Variants in MYRFL observed in about 807,000 individuals in gnomAD.
MYRFL encodes myelin regulatory factor like, also known as myelin regulatory factor-like protein.
MYRFL carries 88 observed loss-of-function variants against 109.4 expected under a neutral mutation model. The observed-to-expected ratio is 0.80, with a 90% CI of 0.68 to 0.96. The LOEUF (loss-of-function observed/expected upper bound fraction) is 0.96. Ranked by LOEUF, MYRFL falls within the 40% of genes least tolerant of loss-of-function variation. MYRFL has a pLI of 0.00. For missense variants in MYRFL, 957 were observed against 954.9 expected (o/e 1.00, Z -0.03); for synonymous variants, 324 against 320.9 (o/e 1.01, Z -0.10).
intron 19 of MYRFL, among the ~76,000 whole-genome samples, chr12:69,944,118 C>A (rs2120518053): frequency 6.6e-6 from 1 of 150,846 alleles, no homozygotes; most frequent in African/African-American, 2.5e-5. Context: ...TTGTGGAAGT[C>A]AGTGAGGCGA....
chr12:69,835,297 A>C (rs1882867907), intron 1 of MYRFL, among the ~76,000 whole-genome samples: 1 of 152,214 alleles, frequency 6.6e-6, no homozygotes, highest in African/African-American at 2.4e-5. Context: ...ATCTGAACTA[A>C]ATTCTCTACC....
rs1383945962 is a variant in MYRFL at position 69,911,108 on chromosome 12, T to G, written c.1602+178T>G. The stretch of plus-strand genomic sequence containing the variant: ...TTATAATTGATATTCAAATTGATCA[T>G]AAGCACCAAAAAGAAGTTCCATATG... On this transcript the variant is annotated intron_variant, in intron 13 of 24. Coordinates refer to ENST00000552032, the MANE Select transcript of MYRFL (RefSeq NM_182530.3). Among the ~76,000 whole-genome samples the G allele has an allele frequency of 1.7e-4, 26 of 152,326 alleles. 3 individuals carry two copies. The South Asian group carries it at 4.8e-3, about 28-fold the overall frequency.
In MYRFL at chr12:69,945,006, T is replaced by C. The variant is rs553696899; in HGVS notation, c.2225-7107T>C. ...ATTTTTTTAACGAAAATAAAATAGA[T>C]ATTTAAAATGTGAAAAAAAATTAAA... is the stretch of plus-strand genomic sequence containing the variant. On this transcript the variant is annotated intron_variant, in intron 19 of 24. Coordinates refer to ENST00000552032, the MANE Select transcript of MYRFL (RefSeq NM_182530.3). Among the ~76,000 whole-genome samples, 12 of 152,146 alleles carry C rather than the reference T, an allele frequency of 7.9e-5. No homozygotes were observed. In the South Asian group the frequency reaches 2.3e-3, roughly 29 times the overall value.
Position 69,870,099 on chromosome 12 carries a change from C to CTTTTTTTTTT in MYRFL, c.138-8911_138-8902dup, listed in dbSNP as rs754843682. Among the ~76,000 whole-genome samples, 4 of 81,328 alleles carry CTTTTTTTTTT rather than the reference C, an allele frequency of 4.9e-5. 1 individual carries two copies. Among genetic ancestry groups the CTTTTTTTTTT allele is most frequent in the Middle Eastern group, 8.5e-3 (1 of 118 alleles). The allele number at this position is 81,328 out of a possible 152,430, so 53.4% of individuals were successfully genotyped here. On this transcript the variant is annotated intron_variant, in intron 2 of 24. Coordinates refer to ENST00000552032, the MANE Select transcript of MYRFL (RefSeq NM_182530.3). ...GCTAAGAATCTCTTGATTTTTCTTC[C>CTTTTTTTTTT]TTTTTTTTTTTTTTTTTTTTTTTTT...
At chr12:69,853,053 G>T (rs570782099) in intron 1 of MYRFL, among the ~76,000 whole-genome samples, 1 of 152,122 alleles carries the variant, frequency 6.6e-6, no homozygotes, top group Non-Finnish European at 1.5e-5. Flanking sequence ...TTTTCTGTTC[G>T]ACAAAACCAC....
At chr12:69,841,488 A>G (rs939681838) in intron 1 of MYRFL, among the ~76,000 whole-genome samples, 2 of 152,198 alleles carry the variant, frequency 1.3e-5, no homozygotes, top group Non-Finnish European at 2.9e-5. Context: ...TGCTCTCACT[A>G]TGGCTGATTT....
At chr12:69,862,764 T>C (rs547468809) in intron 2 of MYRFL, among the ~76,000 whole-genome samples, 5 of 152,342 alleles carry the variant, frequency 3.3e-5, no homozygotes, top group Middle Eastern at 3.4e-3. Context: ...CTGATTGCCC[T>C]GGCCAGAACT....
At chr12:69,870,330 G>A (rs1051758082) in intron 2 of MYRFL, among the ~76,000 whole-genome samples, 14 of 149,734 alleles carry the variant, frequency 9.3e-5, no homozygotes, top group African/African-American at 3.2e-4. Context: ...CACCCGCCTC[G>A]GCCTCCCGAA....
At position 69,936,339 on chromosome 12, in the gene MYRFL, A is replaced by G; in HGVS notation, c.2044+4A>G. 1 of 1,535,864 alleles carries G rather than the reference A, an allele frequency of 6.5e-7. No homozygotes were observed. Among genetic ancestry groups the G allele is most frequent in the Non-Finnish European group, 8.7e-7 (1 of 1,146,800 alleles). Reference sequence around the variant, plus strand: ...CTGCCCACAGCCTCCTCCTCAGGTAAAGGCTTCACATTCCTCACCCTCAAA... The same window carrying G: ...CTGCCCACAGCCTCCTCCTCAGGTAGAGGCTTCACATTCCTCACCCTCAAA... On this transcript the variant is annotated splice_donor_region_variant and intron_variant, in intron 18 of 24. Transcript: ENST00000552032.
At position 69,897,073 on chromosome 12, in the gene MYRFL, A is replaced by G. The variant is rs890317498; in HGVS notation, c.1092-83A>G. 2.5e-5 allele frequency: 23 copies of G among 911,748 alleles called. No individual in the cohort carries two copies. In the Admixed American group the frequency reaches 4.6e-4, roughly 18 times the overall value. 56.5% of individuals were successfully genotyped at this position (911,748 alleles called of 1,614,324 possible). A position where few individuals can be genotyped will look rare whatever the true frequency, so the allele number is the denominator to read the frequency against. ...ACTCTTCTCGATAAGTTCACTATTG[A>G]TCAACTGTTGGGTGGTATTTGTTTG... On this transcript the variant is annotated intron_variant, in intron 9 of 24. Transcript: ENST00000552032.
chr12:69,958,807 T>C lies in MYRFL; in HGVS notation c.*276T>C. On this transcript the variant is annotated 3_prime_UTR_variant, in exon 25 of 25. Transcript: ENST00000552032. ...AGTTCTGTTGAATTTAAAAATACTA[T>C]TATTTCTGGTATTAAGGAAGTTGTG... 1 of 317,274 alleles carries C rather than the reference T, an allele frequency of 3.2e-6. No individual in the cohort carries two copies. The highest frequency in any genetic ancestry group is 5.7e-6 in the Non-Finnish European group (1 of 174,834). 19.7% of individuals were successfully genotyped at this position (317,274 alleles called of 1,614,324 possible).
chr12:69,879,264 C>T lies in MYRFL; in HGVS notation c.275C>T (p.Ala92Val), dbSNP rs961310651. The part of the protein sequence containing the change: ...TPAPFLHPTA[A>V]PAMPPMHPLQ... Reference sequence around the variant, plus strand: ...GCTCCTTTTCTCCACCCCACAGCTGCTCCTGCGATGCCGCCCATGCACCCG... The same window carrying T: ...GCTCCTTTTCTCCACCCCACAGCTGTTCCTGCGATGCCGCCCATGCACCCG... Residue 92 changes from alanine to valine, a missense_variant, in exon 4 of 25, where the codon GCT becomes GTT. Ala to Val is a moderately conservative substitution (Grantham distance 64). Coordinates refer to ENST00000552032, the MANE Select transcript of MYRFL (RefSeq NM_182530.3). 1.4e-6 allele frequency: 1 copy of T among 702,806 alleles called. No individual in the cohort carries two copies. Among genetic ancestry groups the T allele is most frequent in the African/African-American group, 1.7e-5 (1 of 57,264 alleles). 43.5% of individuals were successfully genotyped at this position (702,806 alleles called of 1,614,324 possible). A position where few individuals can be genotyped will look rare whatever the true frequency, so the allele number is the denominator to read the frequency against.
At chr12:69,900,589 CAG>C (rs1298133572) in intron 10 of MYRFL, among the ~76,000 whole-genome samples, 1 of 152,104 alleles carries the variant, frequency 6.6e-6, no homozygotes, top group African/African-American at 2.4e-5. Flanking sequence ...GTAGCACCAG[CAG>C]AGAGTATTTC....
chr12:69,862,074 T>C (rs1284784436), intron 2 of MYRFL, among the ~76,000 whole-genome samples: 1 of 150,446 alleles, frequency 6.6e-6, no homozygotes, highest in Non-Finnish European at 1.5e-5. Flanking sequence ...TGCGGCATTA[T>C]TTCTGAGGGC....
intron 13 of MYRFL, among the ~76,000 whole-genome samples, chr12:69,914,757 CATT>C: frequency 6.6e-6 from 1 of 152,302 alleles, no homozygotes; most frequent in Middle Eastern, 3.4e-3. Context: ...CAGCCAGCCT[CATT>C]CATGTGTCAC....
At chr12:69,927,358 G>A (rs1426029535) in intron 14 of MYRFL, among the ~76,000 whole-genome samples, 1 of 151,880 alleles carries the variant, frequency 6.6e-6, no homozygotes, top group Non-Finnish European at 1.5e-5. Flanking sequence ...GAGGAGAAGT[G>A]GTCATTTCTA....
chr12:69,957,049 CT>C (rs1956113852), intron 22 of MYRFL, among the ~76,000 whole-genome samples: 2 of 76,204 alleles, frequency 2.6e-5, no homozygotes, highest in African/African-American at 8.5e-5. Context: ...AACATACATA[CT>C]CAACTGAGAT....
At chr12:69,847,242 TCTG>T (rs1468219491) in intron 1 of MYRFL, among the ~76,000 whole-genome samples, 1 of 152,150 alleles carries the variant, frequency 6.6e-6, no homozygotes, top group Non-Finnish European at 1.5e-5. Flanking sequence ...AATGTATTCT[TCTG>T]CTCAGAAACT....
intron 19 of MYRFL, among the ~76,000 whole-genome samples, chr12:69,947,865 CAGTACA>C (rs1955879852): frequency 6.6e-6 from 1 of 152,098 alleles, no homozygotes; most frequent in Admixed American, 6.5e-5. Flanking sequence ...TGGACTCAGC[CAGTACA>C]AGTACAACAC....
Sources: allele counts gnomAD v4.1 joint callset (sites outside exome capture counted in the v4.1 genomes callset), GRCh38; gene constraint gnomAD v4.1.1; transcripts MANE v1.5; gene names NCBI Gene and HGNC (gene_info 2026-07-23, HGNC 2026-07-21).